AHNAK: variants seen among roughly 807,000 people sequenced by gnomAD.
AHNAK encodes AHNAK nucleoprotein, also known as neuroblast differentiation-associated protein AHNAK.
A neutral mutation model predicts 37.8 loss-of-function variants in AHNAK; 23 were observed. The ratio of observed to expected loss-of-function variants is 0.61; its 90% confidence interval spans 0.44 to 0.86. The LOEUF is 0.86. Ranked by LOEUF, AHNAK falls within the 40% of genes least tolerant of loss-of-function variation. The pLI is 0.00. For synonymous variants in AHNAK, 2,481 were observed against 2,636.3 expected (o/e 0.94, Z 1.80); for missense variants, 7,411 against 7,319.4 (o/e 1.01, Z -0.46).
intron 5 of AHNAK, among the ~76,000 whole-genome samples, chr11:62,444,494 A>C (rs1225886772): frequency 2.0e-5 from 3 of 152,240 alleles, no homozygotes; most frequent in Admixed American, 1.3e-4. Context: ...GTCTGCCAGG[A>C]GATTAGGCAG....
chr11:62,480,371 G>A (rs1173008205), intron 5 of AHNAK, among the ~76,000 whole-genome samples: 1 of 152,086 alleles, frequency 6.6e-6, no homozygotes, highest in Non-Finnish European at 1.5e-5. Context: ...ACAGAGAAAG[G>A]CCTGACTTTG....
At chr11:62,544,900 A>G (rs1311715399) in intron 1 of AHNAK, among the ~76,000 whole-genome samples, 1 of 152,130 alleles carries the variant, frequency 6.6e-6, no homozygotes, top group East Asian at 1.9e-4. Flanking sequence ...ATTCCACAAA[A>G]TCAACCCAAC....
Position 62,533,034 on chromosome 11 carries a change from A to T in AHNAK, c.1383T>A (p.Thr461=). 6.2e-7 allele frequency: 1 copy of T among 1,613,858 alleles called. No individual in the cohort carries two copies. Among genetic ancestry groups the T allele is most frequent in the Non-Finnish European group, 8.5e-7 (1 of 1,179,946 alleles). The stretch of plus-strand genomic sequence containing the variant: ...TGACATCCCCAGAGACCCCAGGAAC[A>T]GTCACTTCACCTGTAGGCAGTGTCA... ...IDVTLPTGEV[T]VPGVSGDVSL... Residue 461 remains threonine, a synonymous_variant, in exon 5 of 5, where the codon ACT becomes ACA. Transcript: ENST00000378024.
At chr11:62,457,410 T>C (rs1361405891) in intron 5 of AHNAK, among the ~76,000 whole-genome samples, 1 of 149,636 alleles carries the variant, frequency 6.7e-6, no homozygotes, top group Non-Finnish European at 1.5e-5. Flanking sequence ...ATGTTGCCAC[T>C]GCACTCCAGC....
chr11:62,493,162 G>A (rs1253292243), intron 4 of AHNAK, among the ~76,000 whole-genome samples: 9 of 150,956 alleles, frequency 6.0e-5, no homozygotes, highest in African/African-American at 2.2e-4. Context: ...ACAGGCGTGT[G>A]TCACCATGCC....
chr11:62,532,707 A>G lies in AHNAK; in HGVS notation c.1710T>C (p.Ser570=), dbSNP rs1397499508. 1 of 1,613,880 alleles carries G rather than the reference A, an allele frequency of 6.2e-7. No homozygotes were observed. The highest frequency in any genetic ancestry group is 1.7e-5 in the Admixed American group (1 of 59,988). ...CCACATTTAAGTCTACTTCTGACATAGAGATCCTACAGGTTCCGGTTTTCC... is the reference window on the plus strand; with the variant it reads ...CCACATTTAAGTCTACTTCTGACATGGAGATCCTACAGGTTCCGGTTTTCC... ...PSGKTGTCRI[S]MSEVDLNVAA... Residue 570 remains serine (S), a synonymous_variant, in exon 5 of 5, where the codon TCT becomes TCC. Transcript: ENST00000378024.
intron 5 of AHNAK, among the ~76,000 whole-genome samples, chr11:62,470,118 C>T (rs748625604): frequency 1.3e-5 from 2 of 151,990 alleles, no homozygotes; most frequent in African/African-American, 4.8e-5. Flanking sequence ...TCCTGGCCAA[C>T]ATAGTGAAAC....
chr11:62,474,381 C>T (rs1939102070), intron 5 of AHNAK, among the ~76,000 whole-genome samples: 1 of 152,078 alleles, frequency 6.6e-6, no homozygotes, highest in Admixed American at 6.6e-5. Context: ...GACGGGGTTT[C>T]ACCACGTTAG....
Position 62,519,265 on chromosome 11 carries a change from A to G in AHNAK, c.15152T>C (p.Ile5051Thr), listed in dbSNP as rs780746078. ...ATCCGGAGCCTTGAGGCTGGCATCA[A>G]TTTCACCCCCAGGAACATTCAGGTC... Reference protein sequence around the residue: ...GFDLNVPGGEIDASLKAPDVD... With the variant: ...GFDLNVPGGETDASLKAPDVD... Residue 5051 changes from isoleucine to threonine, a missense_variant, in exon 5 of 5, where the codon ATT (isoleucine) becomes ACT (threonine). By Grantham distance (89) the Ile-to-Thr change is moderately conservative. Coordinates refer to ENST00000378024, the MANE Select transcript of AHNAK (RefSeq NM_001620.3). 37 of 1,613,946 alleles carry G rather than the reference A, an allele frequency of 2.3e-5. No individual in the cohort carries two copies. Among genetic ancestry groups the G allele is most frequent in the Non-Finnish European group, 3.0e-5 (35 of 1,180,024 alleles).
chr11:62,503,221 T>TA (rs1939744236), intron 4 of AHNAK, among the ~76,000 whole-genome samples: 1 of 152,192 alleles, frequency 6.6e-6, no homozygotes, highest in South Asian at 2.1e-4. Flanking sequence ...TGTCCACGAT[T>TA]ACATAACCAG....
intron 5 of AHNAK, among the ~76,000 whole-genome samples, chr11:62,455,741 T>C (rs982668299): frequency 5.9e-5 from 9 of 151,300 alleles, no homozygotes; most frequent in African/African-American, 2.2e-4. Flanking sequence ...GGCGGGCACT[T>C]GTAATCCCAG....
chr11:62,439,754 G>A (rs1327965204), intron 5 of AHNAK, among the ~76,000 whole-genome samples: 5 of 138,250 alleles, frequency 3.6e-5, no homozygotes, highest in Admixed American at 8.1e-5. Flanking sequence ...TGCAACCTCC[G>A]CCTCCCGGGT....
At position 62,528,247 on chromosome 11, in the gene AHNAK, C is replaced by A. The variant is rs367666936; in HGVS notation, c.6170G>T (p.Ser2057Ile). The change falls in exon 5 of 5, where the codon AGC (serine) becomes ATC (isoleucine). Residue 2057 changes from serine to isoleucine, a missense_variant. Transcript: ENST00000378024. ...KMPKMKMPKF[S>I]MPGFKAEGPE... ...GCCCTCTGCTTTGAAGCCAGGCATG[C>A]TGAACTTGGGCATTTTCATCTTGGG... 1 of 1,614,000 alleles carries A rather than the reference C, an allele frequency of 6.2e-7. No homozygotes were observed. The highest frequency in any genetic ancestry group is 2.2e-5 in the East Asian group (1 of 44,876).
In AHNAK at chr11:62,528,603, C is replaced by T. The variant is rs1940600789; in HGVS notation, c.5814G>A (p.Gly1938=). Residue 1938 remains glycine, a synonymous_variant, in exon 5 of 5, where the codon GGG becomes GGA. Coordinates refer to ENST00000378024, the MANE Select transcript of AHNAK (RefSeq NM_001620.3). The part of the protein sequence containing the change: ...DLHLKGPKVK[G]DVDVSVPKLE... ...ATTTTGGCACCGACACATCCACATC[C>T]CCTTTGACTTTGGGGCCTTTCAAGT... The T allele has an allele frequency of 6.2e-7, 1 of 1,610,476 alleles. No individual in the cohort carries two copies. Among genetic ancestry groups the T allele is most frequent in the East Asian group, 2.2e-5 (1 of 44,554 alleles).
chr11:62,440,853 A>G (rs1339257460), intron 5 of AHNAK, among the ~76,000 whole-genome samples: 4 of 152,132 alleles, frequency 2.6e-5, no homozygotes, highest in Non-Finnish European at 5.9e-5. Flanking sequence ...GCCAGACACT[A>G]TTTCTAAACA....
chr11:62,487,587 C>G (rs962635180), intron 5 of AHNAK, among the ~76,000 whole-genome samples: 4 of 152,216 alleles, frequency 2.6e-5, no homozygotes, highest in African/African-American at 9.6e-5. Context: ...ACCTCCCCCT[C>G]CCGGGTTCAA....
intron 5 of AHNAK, among the ~76,000 whole-genome samples, chr11:62,488,698 C>T (rs552829639): frequency 2.6e-5 from 4 of 151,946 alleles, no homozygotes; most frequent in Non-Finnish European, 5.9e-5. Context: ...AGGTATGAGC[C>T]ACAGTGCCCA....
At position 62,467,648 on chromosome 11, in the gene AHNAK, G is replaced by A. The variant is rs191251341; in HGVS notation, c.442+24084C>T. Among the ~76,000 whole-genome samples, 194 of 152,306 alleles carry A rather than the reference G, an allele frequency of 1.3e-3. 1 individual carries two copies. Among genetic ancestry groups the A allele is most frequent in the Admixed American group, 4.3e-3 (66 of 15,286 alleles). ...TGCAGTGAGCCAAGATCACACCACT[G>A]CCCTCCAGCCTGGGCAACAGAGTGA... On this transcript the variant is annotated intron_variant, in intron 5 of 5. Transcript: ENST00000257247.
Position 62,517,068 on chromosome 11 carries a change from G to A in AHNAK, c.17349C>T (p.Phe5783=), listed in dbSNP as rs1384893354. ...SKKPRHRSNS[F]SDEREFSGPS... ...GTCCAGAGAACTCTCTTTCATCACT[G>A]AATGAATTTGAGCGGTGCCGTGGCT... The change falls in exon 5 of 5, where the codon TTC becomes TTT. Residue 5783 remains phenylalanine (F), a synonymous_variant. Coordinates refer to ENST00000378024, the MANE Select transcript of AHNAK (RefSeq NM_001620.3). 1.2e-6 allele frequency: 2 copies of A among 1,614,042 alleles called. No homozygotes were observed. The highest frequency in any genetic ancestry group is 3.3e-5 in the Admixed American group (2 of 59,994).
Sources: allele counts gnomAD v4.1 joint callset (sites outside exome capture counted in the v4.1 genomes callset), GRCh38; gene constraint gnomAD v4.1.1; transcripts MANE v1.5; gene names NCBI Gene and HGNC (gene_info 2026-07-23, HGNC 2026-07-21).